Variants in MAP4K3 observed in about 807,000 individuals in gnomAD.
MAP4K3 encodes MAPK/ERK kinase kinase kinase 3.
A neutral mutation model predicts 143.5 loss-of-function variants in MAP4K3; 94 were observed. That is an observed-to-expected ratio of 0.65 (90% CI 0.55 to 0.78). The LOEUF (loss-of-function observed/expected upper bound fraction) is 0.78. MAP4K3 is among the 30% of genes least tolerant of loss of function. The pLI, the probability that MAP4K3 is intolerant of heterozygous loss-of-function variation, is 0.00. For synonymous variants in MAP4K3, 416 were observed against 347.2 expected (o/e 1.20, Z -2.20); for missense variants, 1,077 against 1,068.1 (o/e 1.01, Z -0.12).
At chr2:39,393,791 G>A (rs1666732324) in intron 1 of MAP4K3, among the ~76,000 whole-genome samples, 1 of 152,038 alleles carries the variant, frequency 6.6e-6, no homozygotes, top group Admixed American at 6.6e-5. Context: ...AAGTCCCATA[G>A]CAGCCCCTGC....
intron 2 of MAP4K3, among the ~76,000 whole-genome samples, chr2:39,370,137 A>T (rs992181345): frequency 6.6e-6 from 1 of 152,214 alleles, no homozygotes; most frequent in Non-Finnish European, 1.5e-5. Context: ...TAAACAAAAC[A>T]AAAAGTCCTT....
rs145801717 is a variant in MAP4K3, at chr2:39,369,087, T to G, written c.154+8979A>C. 4.6e-3 allele frequency among the ~76,000 whole-genome samples: 693 copies of G among 152,220 alleles called. 7 individuals carry two copies. The highest frequency in any genetic ancestry group is 0.031 in the Middle Eastern group (9 of 294). On this transcript the variant is annotated intron_variant, in intron 2 of 33. Coordinates refer to ENST00000263881, the MANE Select transcript of MAP4K3 (RefSeq NM_003618.4). ...CAGCAGGGCTTCTCTCCCATCTGCCTGTGTACACTGAATCTGCCTACAGTT... is the reference window on the plus strand; with the variant it reads ...CAGCAGGGCTTCTCTCCCATCTGCCGGTGTACACTGAATCTGCCTACAGTT...
chr2:39,317,737 T>A (rs114394899), intron 12 of MAP4K3, among the ~76,000 whole-genome samples: 2 of 152,060 alleles, frequency 1.3e-5, no homozygotes, highest in African/African-American at 4.8e-5. Flanking sequence ...ATGGTTATTA[T>A]TGAAAAGTCA....
intron 28 of MAP4K3, among the ~76,000 whole-genome samples, chr2:39,261,557 C>G (rs1030587596): frequency 4.6e-5 from 7 of 152,142 alleles, no homozygotes; most frequent in African/African-American, 1.7e-4. Flanking sequence ...GTGGCATAGC[C>G]AGACTAGTTA....
chr2:39,291,898 T>C (rs1023980244), intron 18 of MAP4K3, among the ~76,000 whole-genome samples: 2 of 151,970 alleles, frequency 1.3e-5, no homozygotes, highest in Non-Finnish European at 1.5e-5. Context: ...AAAGAAAAAA[T>C]TGTAATATGA....
chr2:39,407,089 A>G (rs1558338880), intron 1 of MAP4K3, among the ~76,000 whole-genome samples: 1 of 152,204 alleles, frequency 6.6e-6, no homozygotes, highest in African/African-American at 2.4e-5. Context: ...ATCAATCAGT[A>G]TAATTCACTG....
chr2:39,367,936 T>C (rs561358539), intron 2 of MAP4K3, among the ~76,000 whole-genome samples: 144 of 152,342 alleles, frequency 9.5e-4, no homozygotes, highest in Admixed American at 2.0e-3. Flanking sequence ...AAAGGAATAT[T>C]TGAGAAAACA....
intron 2 of MAP4K3, among the ~76,000 whole-genome samples, chr2:39,369,533 C>T (rs1396321562): frequency 6.6e-6 from 1 of 152,198 alleles, no homozygotes; most frequent in Non-Finnish European, 1.5e-5. Flanking sequence ...GAGCATACTA[C>T]TCTAGACAAA....
intron 2 of MAP4K3, among the ~76,000 whole-genome samples, chr2:39,367,695 G>A (rs979609512): frequency 6.6e-6 from 1 of 152,070 alleles, no homozygotes; most frequent in Admixed American, 6.6e-5. Flanking sequence ...GATCCAACCT[G>A]GGCAACATAG....
At chr2:39,290,140 G>T in intron 19 of MAP4K3, 152 bp downstream of exon 19, 30 of 478,770 alleles carry the variant, frequency 6.3e-5, no homozygotes, top group African/African-American at 1.5e-4. Context: ...ATTATAAAAT[G>T]AGACAAACAT....
At chr2:39,278,595 T>C in intron 23 of MAP4K3, 109 bp from the exon 24 acceptor site, 1 of 612,410 alleles carries the variant, frequency 1.6e-6, no homozygotes, top group Non-Finnish European at 2.8e-6. Flanking sequence ...AAACAAGAAT[T>C]ACTATGATTT....
chr2:39,364,663 T>C (rs1041895541), intron 2 of MAP4K3, among the ~76,000 whole-genome samples: 1 of 151,920 alleles, frequency 6.6e-6, no homozygotes, highest in Non-Finnish European at 1.5e-5. Context: ...AGGCCAGGAG[T>C]ACGAGACCAG....
At chr2:39,414,768 G>A (rs961807544) in intron 1 of MAP4K3, among the ~76,000 whole-genome samples, 2 of 151,962 alleles carry the variant, frequency 1.3e-5, no homozygotes, top group South Asian at 4.2e-4. Flanking sequence ...CCAGCTACTC[G>A]GGGGGTGCTG....
chr2:39,288,526 C>T (rs893610252), intron 19 of MAP4K3, among the ~76,000 whole-genome samples: 7 of 152,088 alleles, frequency 4.6e-5, no homozygotes, highest in Non-Finnish European at 8.8e-5. Flanking sequence ...GCCTCTAAGT[C>T]GACTTTTTTA....
At position 39,272,524 on chromosome 2, in the gene MAP4K3, T is replaced by A. The variant is rs147633728; in HGVS notation, c.1813A>T (p.Thr605Ser). 1.2e-6 allele frequency: 2 copies of A among 1,613,376 alleles called. No homozygotes were observed. The highest frequency in any genetic ancestry group is 3.3e-5 in the Admixed American group (2 of 60,012). ...CAATTGTTCATTACATACAACCATG[T>A]ACACCTTCGAGGGAATAGCTGATTA... is the stretch of plus-strand genomic sequence containing the variant. ...SMEQLFPRRC[T>S]WLYVMNNCLL... Residue 605 changes from threonine (T) to serine (S), a missense_variant, in exon 25 of 34, where the codon ACA becomes TCA. Around this residue, in one of 2 missense-constraint regions of MAP4K3, gnomAD observed 864 missense variants for 801.2 expected, o/e 1.08. Coordinates refer to ENST00000263881, the MANE Select transcript of MAP4K3 (RefSeq NM_003618.4).
chr2:39,387,913 G>C (rs1666553019), intron 1 of MAP4K3, among the ~76,000 whole-genome samples: 1 of 152,126 alleles, frequency 6.6e-6, no homozygotes, highest in South Asian at 2.1e-4. Flanking sequence ...AACAGATTGA[G>C]GCTATCATTA....
At chr2:39,317,577 A>T (rs1683158523) in intron 12 of MAP4K3, among the ~76,000 whole-genome samples, 2 of 152,146 alleles carry the variant, frequency 1.3e-5, no homozygotes, top group Admixed American at 6.5e-5. Context: ...AAACAACTCT[A>T]TTAAAAAGTG....
intron 32 of MAP4K3, among the ~76,000 whole-genome samples, chr2:39,252,868 A>G (rs960167408): frequency 6.6e-6 from 1 of 152,302 alleles, no homozygotes; most frequent in East Asian, 1.9e-4. Flanking sequence ...GATTACCAAT[A>G]TATTTTGGGG....
intron 1 of MAP4K3, among the ~76,000 whole-genome samples, chr2:39,434,861 C>T (rs534733980): frequency 6.6e-5 from 10 of 152,290 alleles, no homozygotes; most frequent in African/African-American, 2.4e-4. Context: ...TAAACATCAG[C>T]TAGTATTATC....
Sources: allele counts gnomAD v4.1 joint callset (sites outside exome capture counted in the v4.1 genomes callset), GRCh38; gene constraint gnomAD v4.1.1; regional missense constraint gnomAD v4.1.1; transcripts MANE v1.5; gene names NCBI Gene and HGNC (gene_info 2026-07-23, HGNC 2026-07-21).